MSL1: variants seen among roughly 807,000 people sequenced by gnomAD.
The protein encoded by MSL1 is male-specific lethal 1 homolog.
A neutral mutation model predicts 64.6 loss-of-function variants in MSL1; 21 were observed. The observed-to-expected ratio is 0.33, with a 90% confidence interval of 0.23 to 0.47. The LOEUF (loss-of-function observed/expected upper bound fraction) is 0.47. Among genes scored for constraint, MSL1 ranks in the 20% least tolerant of loss-of-function variants. MSL1 has a pLI of 1.00. For synonymous variants in MSL1, 339 were observed against 329.6 expected (o/e 1.03, Z -0.31); for missense variants, 664 against 793.2 (o/e 0.84, Z 1.96).
chr17:40,131,861 A>G lies in MSL1; in HGVS notation c.1424-173A>G, dbSNP rs1988443927. On this transcript the variant is annotated intron_variant, in intron 4 of 8. Coordinates refer to ENST00000398532, the MANE Select transcript of MSL1 (RefSeq NM_001365919.1). The surrounding 1 kb of genome is among the most constrained non-coding windows in gnomAD (Gnocchi z 4.5). ...ATGGCATTTTAGGTTCTTTTATACC[A>G]TAGCAAGGACACTGAATATGGCTTC... 9.7e-6 allele frequency: 6 copies of G among 620,574 alleles called. No homozygotes were observed. The South Asian group carries it at 1.2e-4, about 12-fold the overall frequency. 38.4% of individuals were successfully genotyped at this position (620,574 alleles called of 1,614,324 possible). A position where few individuals can be genotyped will look rare whatever the true frequency, so the allele number is the denominator to read the frequency against.
Position 40,131,322 on chromosome 17 carries a change from G to A in MSL1, c.1376-215G>A, listed in dbSNP as rs971882923. ...CCCTAAATAATGAAGAAAAGAAGTCGTCTCAGTGTAAAAAAAAAAAGTGGT... is the reference window on the plus strand; with the variant it reads ...CCCTAAATAATGAAGAAAAGAAGTCATCTCAGTGTAAAAAAAAAAAGTGGT... On this transcript the variant is annotated intron_variant, in intron 3 of 8. Coordinates refer to ENST00000398532, the MANE Select transcript of MSL1 (RefSeq NM_001365919.1). The surrounding 1 kb of genome is among the most constrained non-coding windows in gnomAD (Gnocchi z 4.5). The A allele has an allele frequency of 1.1e-5, 5 of 474,760 alleles. No individual in the cohort carries two copies. The highest frequency in any genetic ancestry group is 1.9e-5 in the Non-Finnish European group (5 of 263,350). 29.4% of individuals were successfully genotyped at this position (474,760 alleles called of 1,614,324 possible). A position where few individuals can be genotyped will look rare whatever the true frequency, so the allele number is the denominator to read the frequency against.
chr17:40,126,901 GTAA>G (rs1483189068), intron 2 of MSL1: 1 of 155,724 alleles, frequency 6.4e-6, no homozygotes, highest in Non-Finnish European at 1.4e-5. Flanking sequence ...TTTGGTCACA[GTAA>G]TAATTATTGA....
Position 40,126,409 on chromosome 17 carries a change from G to A in MSL1, c.992+3G>A, listed in dbSNP as rs771406625. On this transcript the variant is annotated splice_donor_region_variant and intron_variant, in intron 2 of 8. Coordinates refer to ENST00000398532, the MANE Select transcript of MSL1 (RefSeq NM_001365919.1). ...CGGAGTGGAAAGGGACATAAAAGGTGTGCTGATAACTTTGTTTGATGAGGA... is the reference window on the plus strand; with the variant it reads ...CGGAGTGGAAAGGGACATAAAAGGTATGCTGATAACTTTGTTTGATGAGGA... 37 of 1,613,090 alleles carry A rather than the reference G, an allele frequency of 2.3e-5. 1 individual carries two copies. In the Admixed American group the frequency reaches 3.8e-4, roughly 17 times the overall value.
chr17:40,123,405 C>T (rs775782937), intron 1 of MSL1, 25 bp downstream of exon 1: 1 of 1,531,978 alleles, frequency 6.5e-7, no homozygotes, highest in South Asian at 1.2e-5. Context: ...AATCTGCATT[C>T]GGGCCGAGGA....
intron 2 of MSL1, among the ~76,000 whole-genome samples, chr17:40,128,873 G>A (rs545494266): frequency 6.6e-6 from 1 of 152,034 alleles, no homozygotes; most frequent in African/African-American, 2.4e-5. Context: ...AATTAACCAG[G>A]CATGGTGGTG....
Position 40,133,945 on chromosome 17 carries a change from C to A in MSL1, c.1754+46C>A, listed in dbSNP as rs762970474. 15 of 1,506,828 alleles carry A rather than the reference C, an allele frequency of 1.0e-5. 1 individual carries two copies. In the South Asian group the frequency reaches 1.5e-4, roughly 15 times the overall value. The allele number at this position is 1,506,828 out of a possible 1,614,324, so 93.3% of individuals were successfully genotyped here. A position where few individuals can be genotyped will look rare whatever the true frequency, so the allele number is the denominator to read the frequency against. ...TCCCCTTCCAGGTAACCTGCACATC[C>A]TTTTCAGACTTCATGGAAGCCTAGA... On this transcript the variant is annotated intron_variant, in intron 8 of 8. Transcript: ENST00000398532.
chr17:40,133,939 C>T (rs765090079), intron 8 of MSL1, 40 bp downstream of exon 8: 3 of 1,545,620 alleles, frequency 1.9e-6, no homozygotes, highest in East Asian at 4.5e-5. Context: ...AGGTAACCTG[C>T]ACATCCTTTT....
At position 40,133,852 on chromosome 17, in the gene MSL1, C is replaced by T; in HGVS notation, c.1707C>T (p.Phe569=). 1 of 1,613,988 alleles carries T rather than the reference C, an allele frequency of 6.2e-7. No homozygotes were observed. Among genetic ancestry groups the T allele is most frequent in the Non-Finnish European group, 8.5e-7 (1 of 1,179,878 alleles). Reference sequence around the variant, plus strand: ...TTGAAAGTTTGATGATTACCCCCTTCTTGCCTGTTGTAGCATTTGGACGAC... The same window carrying T: ...TTGAAAGTTTGATGATTACCCCCTTTTTGCCTGTTGTAGCATTTGGACGAC... ...DDVESLMITP[F]LPVVAFGRPL... is the part of the protein sequence containing the mutation. The change falls in exon 8 of 9, where the codon TTC becomes TTT. Residue 569 remains phenylalanine, a synonymous_variant. Transcript: ENST00000398532.
chr17:40,123,094 C>G lies in MSL1; in HGVS notation c.482C>G (p.Ser161Cys). 4 of 1,529,458 alleles carry G rather than the reference C, an allele frequency of 2.6e-6. No individual in the cohort carries two copies. Among genetic ancestry groups the G allele is most frequent in the Non-Finnish European group, 3.5e-6 (4 of 1,144,324 alleles). The allele number at this position is 1,529,458 out of a possible 1,614,324, so 94.7% of individuals were successfully genotyped here. A position where few individuals can be genotyped will look rare whatever the true frequency, so the allele number is the denominator to read the frequency against. The change falls in exon 1 of 9, where the codon TCC becomes TGC. Residue 161 changes from serine to cysteine, a missense_variant. Coordinates refer to ENST00000398532, the MANE Select transcript of MSL1 (RefSeq NM_001365919.1). Reference sequence around the variant, plus strand: ...GCTGGGGACAAGGGTGGGGCGGCCTCCCCCGCTGCCACCGCCTCGGACCCG... The same window carrying G: ...GCTGGGGACAAGGGTGGGGCGGCCTGCCCCGCTGCCACCGCCTCGGACCCG... ...PWAGDKGGAA[S>C]PAATASDPAG... is the part of the protein sequence containing the mutation.
rs1463841918 is a variant in MSL1, at chr17:40,134,387, C to T, written c.*18C>T. 2 of 1,549,098 alleles carry T rather than the reference C, an allele frequency of 1.3e-6. No homozygotes were observed. The highest frequency in any genetic ancestry group is 2.4e-5 in the East Asian group (1 of 41,076). On this transcript the variant is annotated 3_prime_UTR_variant, in exon 9 of 9. Transcript: ENST00000398532. ...GGAAATAGCTGTGCTGGCAAGAACC[C>T]TGTCTTCAGATAGTTGTAGCATGCC...
Position 40,131,478 on chromosome 17 carries a change from G to T in MSL1, c.1376-59G>T. On this transcript the variant is annotated intron_variant, in intron 3 of 8. Coordinates refer to ENST00000398532, the MANE Select transcript of MSL1 (RefSeq NM_001365919.1). The surrounding 1 kb of genome is among the most constrained non-coding windows in gnomAD (Gnocchi z 4.5). The stretch of plus-strand genomic sequence containing the variant: ...TCAGTGATGATCCTTTCCTCCATTT[G>T]GGGTATGGGCTTTTTTTCTTTTTAC... 1 of 1,472,766 alleles carries T rather than the reference G, an allele frequency of 6.8e-7. No individual in the cohort carries two copies. The highest frequency in any genetic ancestry group is 1.1e-5 in the South Asian group (1 of 87,644). 91.2% of individuals were successfully genotyped at this position (1,472,766 alleles called of 1,614,324 possible).
At position 40,123,262 on chromosome 17, in the gene MSL1, G is replaced by C; in HGVS notation, c.650G>C (p.Ser217Thr). The C allele has an allele frequency of 1.3e-6, 2 of 1,535,826 alleles. No individual in the cohort carries two copies. Among genetic ancestry groups the C allele is most frequent in the African/African-American group, 2.7e-5 (2 of 73,166 alleles). The change falls in exon 1 of 9, where the codon AGT (serine) becomes ACT (threonine). Residue 217 changes from serine (S) to threonine (T), a missense_variant. Physicochemically the swap from Ser to Thr is moderately conservative, Grantham distance 58. This residue lies in a region of MSL1 where 466 missense variants were observed against 499.0 expected (regional missense o/e 0.93). Transcript: ENST00000398532. ...GGTGGTGGCGGCTCGGGAGCCTCCA[G>C]TCAGGCCGCCTGCCTCAAACAGATC... ...LGGGGGSGAS[S>T]QAACLKQILL...
chr17:40,136,163 G>A lies in MSL1; in HGVS notation c.*1794G>A, dbSNP rs1988536111. On this transcript the variant is annotated 3_prime_UTR_variant, in exon 9 of 9. Transcript: ENST00000398532. ...TCAGTGTCTCTTGACTTTGTTCTTT[G>A]ATCCCTCAGTTTCTTCTTGATTTCA... The A allele has an allele frequency of 6.6e-6, 1 of 152,242 alleles. No individual in the cohort carries two copies. The highest frequency in any genetic ancestry group is 1.5e-5 in the Non-Finnish European group (1 of 68,006). 9.4% of individuals were successfully genotyped at this position (152,242 alleles called of 1,614,324 possible). A position where few individuals can be genotyped will look rare whatever the true frequency, so the allele number is the denominator to read the frequency against.
At chr17:40,132,007 T>G in intron 4 of MSL1, 27 bp from the exon 5 acceptor site, 2 of 1,551,616 alleles carry the variant, frequency 1.3e-6, no homozygotes, top group South Asian at 1.2e-5. Context: ...CCCTCCTCCC[T>G]TTCTTTTTCT....
chr17:40,132,544 A>G (rs1401884982), intron 5 of MSL1, among the ~76,000 whole-genome samples: 5 of 152,074 alleles, frequency 3.3e-5, no homozygotes, highest in Non-Finnish European at 7.4e-5. Flanking sequence ...AGGCTGAGAC[A>G]GGGAGAATTG....
Position 40,133,064 on chromosome 17 carries a change from C to T in MSL1, c.1511C>T (p.Ser504Leu), listed in dbSNP as rs1169850103. 5.0e-6 allele frequency: 8 copies of T among 1,611,184 alleles called. No individual in the cohort carries two copies. The highest frequency in any genetic ancestry group is 6.8e-6 in the Non-Finnish European group (8 of 1,178,726). ...LLENLDDSVF[S>L]KRHAKLELDE... ...CAGAACCTGGATGACAGTGTGTTTT[C>T]GAAGCGGCATGCAAAACTGGAGCTG... The change falls in exon 6 of 9, where the codon TCG (serine) becomes TTG (leucine). Residue 504 changes from serine to leucine, a missense_variant. Ser to Leu is a moderately radical substitution (Grantham distance 145). This residue lies in a region of MSL1 where 119 missense variants were observed against 164.3 expected (regional missense o/e 0.72). Coordinates refer to ENST00000398532, the MANE Select transcript of MSL1 (RefSeq NM_001365919.1).
intron 5 of MSL1, among the ~76,000 whole-genome samples, chr17:40,132,502 G>A (rs910101470): frequency 3.3e-5 from 5 of 152,068 alleles, no homozygotes; most frequent in Non-Finnish European, 5.9e-5. Flanking sequence ...GCCGGGCGTG[G>A]TGGCGCACAC....
At position 40,131,735 on chromosome 17, in the gene MSL1, C is replaced by T; in HGVS notation, c.1423+151C>T. On this transcript the variant is annotated intron_variant, in intron 4 of 8. Coordinates refer to ENST00000398532, the MANE Select transcript of MSL1 (RefSeq NM_001365919.1). This position sits in a 1 kb window ranked among gnomAD's most constrained non-coding sequence, Gnocchi z 4.5. ...TACACTACTATAGACTTCAAAATGA[C>T]AACAAATTTCAGTTGTTTTTCAGGA... 2.7e-6 allele frequency: 2 copies of T among 743,954 alleles called. No individual in the cohort carries two copies. Among genetic ancestry groups the T allele is most frequent in the Non-Finnish European group, 4.7e-6 (2 of 422,148 alleles). The allele number at this position is 743,954 out of a possible 1,614,324, so 46.1% of individuals were successfully genotyped here. A position where few individuals can be genotyped will look rare whatever the true frequency, so the allele number is the denominator to read the frequency against.
In MSL1 at chr17:40,133,156, T is replaced by C. The variant is rs779766551; in HGVS notation, c.1556+47T>C. The C allele has an allele frequency of 9.8e-6, 15 of 1,527,086 alleles. No individual in the cohort carries two copies. In the East Asian group the frequency reaches 2.6e-4, roughly 26 times the overall value. 94.6% of individuals were successfully genotyped at this position (1,527,086 alleles called of 1,614,324 possible). A position where few individuals can be genotyped will look rare whatever the true frequency, so the allele number is the denominator to read the frequency against. ...CTGGAAACAACTGAGCCCTAGGACC[T>C]AGGACAGAGTATCAGGGAACCTGAC... is the stretch of plus-strand genomic sequence containing the variant. On this transcript the variant is annotated intron_variant, in intron 6 of 8. Coordinates refer to ENST00000398532, the MANE Select transcript of MSL1 (RefSeq NM_001365919.1).
Sources: gnomAD v4.1 joint callset for allele counts (sites outside exome capture counted in the v4.1 genomes callset) on GRCh38, gnomAD v4.1.1 for gene constraint, gnomAD v4.1.1 regional missense constraint, Gnocchi (gnomAD v3.1) non-coding constraint, MANE v1.5 for transcripts, NCBI Gene and HGNC (gene_info 2026-07-23, HGNC 2026-07-21) for gene names.